Variants in DGKB observed in about 807,000 individuals in gnomAD.
DGKB encodes the protein 90 kDa diacylglycerol kinase.
In DGKB, 67 loss-of-function variants were observed where a neutral mutation model predicts 114.3. That is an observed-to-expected ratio of 0.59 (90% CI 0.48 to 0.72). The LOEUF (loss-of-function observed/expected upper bound fraction) is 0.72, where lower values mean the gene tolerates loss of function less well. Among genes scored for constraint, DGKB ranks in the 30% least tolerant of loss-of-function variants. The probability of loss-of-function intolerance (pLI) is 0.00; values close to 1 mark genes in which losing one functional copy is unlikely to be tolerated. For synonymous variants in DGKB, 398 were observed against 323.1 expected (o/e 1.23, Z -2.49); for missense variants, 907 against 975.2 (o/e 0.93, Z 0.93).
chr7:14,488,558 G>A (rs1223551445), intron 20 of DGKB, among the ~76,000 whole-genome samples: 4 of 151,344 alleles, frequency 2.6e-5, no homozygotes, highest in South Asian at 2.1e-4. Context: ...AGTGGCTCAC[G>A]CCTGTTATCC....
intron 9 of DGKB, among the ~76,000 whole-genome samples, chr7:14,693,669 G>A (rs1192361425): frequency 1.3e-5 from 2 of 151,620 alleles, no homozygotes; most frequent in African/African-American, 2.4e-5. Context: ...CCAAGTATCA[G>A]TTTTCAATAA....
chr7:14,658,508 A>T (rs13226071), intron 13 of DGKB, among the ~76,000 whole-genome samples: 69,707 of 151,604 alleles, frequency 0.46, 17,287 homozygotes, highest in Non-Finnish European at 0.56. Context: ...TTAATGTTCA[A>T]TAGTAGAGTA....
intron 23 of DGKB, among the ~76,000 whole-genome samples, chr7:14,278,700 A>G (rs908190655): frequency 6.6e-6 from 1 of 152,202 alleles, no homozygotes; most frequent in Non-Finnish European, 1.5e-5. Flanking sequence ...AGGACAGCCT[A>G]CACAATGGAA....
intron 13 of DGKB, among the ~76,000 whole-genome samples, chr7:14,661,143 G>T (rs1816981192): frequency 6.6e-6 from 1 of 151,936 alleles, no homozygotes; most frequent in Admixed American, 6.6e-5. Flanking sequence ...CATAGGCATG[G>T]GCAAGGACTT....
At chr7:14,523,220 T>C (rs1360797520) in intron 20 of DGKB, among the ~76,000 whole-genome samples, 2 of 152,224 alleles carry the variant, frequency 1.3e-5, no homozygotes, top group Non-Finnish European at 2.9e-5. Context: ...TGAAAACTTT[T>C]CTCGGCAGTC....
intron 13 of DGKB, among the ~76,000 whole-genome samples, chr7:14,657,424 T>A (rs1816079833): frequency 6.6e-6 from 1 of 151,944 alleles, no homozygotes; most frequent in South Asian, 2.1e-4. Context: ...CTATAATGAA[T>A]ATTAATTAAA....
intron 1 of DGKB, among the ~76,000 whole-genome samples, chr7:14,946,164 A>C (rs1220754971): frequency 6.6e-6 from 1 of 151,402 alleles, no homozygotes; most frequent in African/African-American, 2.4e-5. Context: ...TTTCTTGCTA[A>C]GTTTTCCATA....
At chr7:14,725,098 C>T (rs1314204348) in intron 5 of DGKB, among the ~76,000 whole-genome samples, 4 of 152,082 alleles carry the variant, frequency 2.6e-5, no homozygotes, top group Non-Finnish European at 1.5e-5. Context: ...TTGAGCCCAG[C>T]AATTCAAAGT....
At chr7:14,215,925 A>G (rs1367322400) in intron 23 of DGKB, among the ~76,000 whole-genome samples, 1 of 152,226 alleles carries the variant, frequency 6.6e-6, no homozygotes, top group East Asian at 1.9e-4. Context: ...CACTTTGTAT[A>G]TATGGCCTGG....
At chr7:14,680,539 C>A (rs1354259316) in intron 12 of DGKB, among the ~76,000 whole-genome samples, 1 of 151,380 alleles carries the variant, frequency 6.6e-6, no homozygotes, top group African/African-American at 2.4e-5. Context: ...TTCTGAAGTA[C>A]CAGATAAGAA....
At chr7:14,818,076 C>A (rs1844412772) in intron 2 of DGKB, among the ~76,000 whole-genome samples, 1 of 152,078 alleles carries the variant, frequency 6.6e-6, no homozygotes, top group South Asian at 2.1e-4. Context: ...CAAATTATGA[C>A]TTTTGCTAGG....
chr7:14,852,498 C>T (rs192745815), intron 1 of DGKB, among the ~76,000 whole-genome samples: 2 of 33,922 alleles, frequency 5.9e-5, no homozygotes, highest in African/African-American at 1.2e-4. Flanking sequence ...AAAAAAAAAA[C>T]AGAAATCAAG....
rs571017989 is a variant in DGKB, at chr7:14,149,325, G to GTTAA, written c.2305-91_2305-88dup. The GTTAA allele has an allele frequency of 9.0e-5, 84 of 930,782 alleles. No individual in the cohort carries two copies. The African/African-American group carries it at 1.3e-3, about 14-fold the overall frequency. 57.7% of individuals were successfully genotyped at this position (930,782 alleles called of 1,614,324 possible). On this transcript the variant is annotated intron_variant, in intron 25 of 25. Transcript: ENST00000402815. Reference sequence around the variant, plus strand: ...CCAATTTGTGAGACTCTCTGTTAAGGTTAATAATATTTCATGAGTGACTGA... The same window carrying GTTAA: ...CCAATTTGTGAGACTCTCTGTTAAGGTTAATTAATAATATTTCATGAGTGACTGA...
At chr7:14,648,270 A>C (rs548832430) in intron 13 of DGKB, among the ~76,000 whole-genome samples, 1 of 152,088 alleles carries the variant, frequency 6.6e-6, no homozygotes, top group Non-Finnish European at 1.5e-5. Context: ...AGAGAGCAGT[A>C]GTTCTCCCAG....
At chr7:14,383,615 G>GT (rs1036939542) in intron 21 of DGKB, among the ~76,000 whole-genome samples, 3 of 152,102 alleles carry the variant, frequency 2.0e-5, no homozygotes, top group Admixed American at 2.0e-4. Context: ...TCCAGCCCGC[G>GT]TATCAATGTA....
chr7:14,325,536 G>T (rs138798925), intron 23 of DGKB, among the ~76,000 whole-genome samples: 9 of 152,190 alleles, frequency 5.9e-5, no homozygotes, highest in South Asian at 2.1e-4. Flanking sequence ...GTCAACTTTC[G>T]TTGGGATAAA....
intron 17 of DGKB, among the ~76,000 whole-genome samples, chr7:14,590,813 T>A (rs951853709): frequency 6.6e-6 from 1 of 152,136 alleles, no homozygotes; most frequent in Admixed American, 6.6e-5. Context: ...ACTATTCACA[T>A]GTTATTACTG....
intron 20 of DGKB, among the ~76,000 whole-genome samples, chr7:14,495,364 C>T (rs1163645299): frequency 6.6e-6 from 1 of 151,734 alleles, no homozygotes; most frequent in Non-Finnish European, 1.5e-5. Flanking sequence ...TTAGAAATTA[C>T]CAGACTATAT....
At chr7:14,537,319 T>C (rs924624843) in intron 20 of DGKB, among the ~76,000 whole-genome samples, 3 of 152,014 alleles carry the variant, frequency 2.0e-5, no homozygotes, top group African/African-American at 7.2e-5. Context: ...GAAAAATAAT[T>C]CTAAAATTCA....
Sources: allele counts gnomAD v4.1 joint callset (sites outside exome capture counted in the v4.1 genomes callset), GRCh38; gene constraint gnomAD v4.1.1; transcripts MANE v1.5; gene names NCBI Gene and HGNC (gene_info 2026-07-23, HGNC 2026-07-21).